Variants in AKAP10 observed in about 807,000 individuals in gnomAD.
AKAP10 encodes A-kinase anchoring protein 10.
A neutral mutation model predicts 80.8 loss-of-function variants in AKAP10; 24 were observed. That is an observed-to-expected ratio of 0.30 (90% confidence interval 0.22 to 0.42). The LOEUF (loss-of-function observed/expected upper bound fraction) is 0.42, where lower values mean the gene tolerates loss of function less well. AKAP10 is among the 10% of genes least tolerant of loss of function. The probability of loss-of-function intolerance (pLI) is 1.00; values close to 1 mark genes in which losing one functional copy is unlikely to be tolerated. For missense variants in AKAP10, 661 were observed against 794.9 expected, an observed-to-expected ratio of 0.83 and a Z score of 2.03; for synonymous variants, 291 against 277.7, an observed-to-expected ratio of 1.05 and a Z score of -0.48.
intron 9 of AKAP10, among the ~76,000 whole-genome samples, chr17:19,933,693 C>G (rs1287735077): frequency 2.0e-5 from 3 of 152,054 alleles, no homozygotes; most frequent in Non-Finnish European, 4.4e-5. Flanking sequence ...CTGTTTACTA[C>G]TAGCTATTTA....
chr17:19,908,909 C>T (rs1397780455), intron 14 of AKAP10, among the ~76,000 whole-genome samples: 1 of 152,242 alleles, frequency 6.6e-6, no homozygotes. Context: ...GCGTGAGCCA[C>T]TGCACCTGGC....
At chr17:19,918,801 A>G (rs1205037581) in intron 12 of AKAP10, among the ~76,000 whole-genome samples, 1 of 152,280 alleles carries the variant, frequency 6.6e-6, no homozygotes, top group Non-Finnish European at 1.5e-5. Flanking sequence ...AAATGAAATC[A>G]GTCACAAAGA....
At chr17:19,948,778 T>C (rs571949829) in intron 4 of AKAP10, among the ~76,000 whole-genome samples, 7 of 152,198 alleles carry the variant, frequency 4.6e-5, no homozygotes, top group South Asian at 4.2e-4. Context: ...TGGCCCTGCT[T>C]CTAAAAGTGT....
intron 1 of AKAP10, among the ~76,000 whole-genome samples, chr17:19,969,293 C>T (rs950062615): frequency 7.9e-5 from 12 of 151,994 alleles, no homozygotes; most frequent in Admixed American, 5.2e-4. Context: ...TGCAGTGAGC[C>T]GAGATCGCGA....
chr17:19,976,149 C>G (rs2043563049), intron 1 of AKAP10, among the ~76,000 whole-genome samples: 1 of 152,170 alleles, frequency 6.6e-6, no homozygotes, highest in East Asian at 1.9e-4. Context: ...AGCAGCAGAG[C>G]TGTCATATGA....
At chr17:19,951,503 T>C (rs2043213582) in intron 4 of AKAP10, among the ~76,000 whole-genome samples, 1 of 150,368 alleles carries the variant, frequency 6.7e-6, no homozygotes, top group Non-Finnish European at 1.5e-5. Flanking sequence ...TTACTGTGTC[T>C]GTGTAGAAAG....
chr17:19,959,919 A>G (rs2043328015), intron 3 of AKAP10, among the ~76,000 whole-genome samples: 1 of 152,210 alleles, frequency 6.6e-6, no homozygotes, highest in South Asian at 2.1e-4. Flanking sequence ...AAATTCTATG[A>G]GATAATGCTA....
At chr17:19,945,586 G>T (rs1481911639) in intron 5 of AKAP10, among the ~76,000 whole-genome samples, 2 of 152,152 alleles carry the variant, frequency 1.3e-5, no homozygotes, top group African/African-American at 4.8e-5. Context: ...CTATGTTATA[G>T]CCGTTATAGG....
chr17:19,946,206 TA>T (rs2043105971), intron 5 of AKAP10, among the ~76,000 whole-genome samples: 1 of 20,852 alleles, frequency 4.8e-5, no homozygotes, highest in East Asian at 2.1e-3. Context: ...ACATATATTT[TA>T]TATATATATA....
At chr17:19,976,739 A>C (rs2043572883) in intron 1 of AKAP10, among the ~76,000 whole-genome samples, 1 of 151,974 alleles carries the variant, frequency 6.6e-6, no homozygotes, top group Non-Finnish European at 1.5e-5. Context: ...GCTGGTCTTG[A>C]ACTCCCGATC....
chr17:19,923,090 T>A (rs575119018), intron 11 of AKAP10, among the ~76,000 whole-genome samples: 2 of 152,286 alleles, frequency 1.3e-5, no homozygotes, highest in South Asian at 4.1e-4. Context: ...TTTATTATTA[T>A]TTTTTGAGAC....
intron 4 of AKAP10, among the ~76,000 whole-genome samples, chr17:19,953,000 C>A (rs2043232278): frequency 6.6e-6 from 1 of 151,900 alleles, no homozygotes; most frequent in Non-Finnish European, 1.5e-5. Context: ...GGTATATTCA[C>A]ATTTTAAAAA....
At position 19,910,263 on chromosome 17, in the gene AKAP10, T is replaced by G. The variant is rs553693008; in HGVS notation, c.1835-285A>C. Among the ~76,000 whole-genome samples the G allele has an allele frequency of 2.7e-5, 4 of 145,770 alleles. No homozygotes were observed. In the South Asian group the frequency reaches 8.6e-4, roughly 31 times the overall value. On this transcript the variant is annotated intron_variant, in intron 12 of 14. Coordinates refer to ENST00000225737, the MANE Select transcript of AKAP10 (RefSeq NM_007202.4). ...AATTGCTTGAACCTGGGAGCAGAGG[T>G]TGAAGCGAGCTGAGATCGTGCCACT...
intron 4 of AKAP10, among the ~76,000 whole-genome samples, chr17:19,954,729 G>A (rs1167951908): frequency 1.3e-5 from 2 of 150,518 alleles, no homozygotes; most frequent in Non-Finnish European, 2.9e-5. Context: ...TCCTGACCTC[G>A]TAATCTGCCC....
intron 6 of AKAP10, among the ~76,000 whole-genome samples, 153 bp downstream of exon 6, chr17:19,941,673 T>C (rs1254170755): frequency 6.6e-6 from 1 of 152,226 alleles, no homozygotes; most frequent in Non-Finnish European, 1.5e-5. Context: ...AAAGAAACTG[T>C]TAACCAAGAT....
At chr17:19,910,036 G>C in intron 12 of AKAP10, 58 bp from the exon 13 acceptor site, 4 of 1,556,640 alleles carry the variant, frequency 2.6e-6, no homozygotes, top group Non-Finnish European at 8.8e-7. Flanking sequence ...CATTAAAAAT[G>C]CTCTTATTTG....
chr17:19,968,509 C>G (rs1381187702), intron 1 of AKAP10, 48 bp from the exon 2 acceptor site: 1 of 1,429,254 alleles, frequency 7.0e-7, no homozygotes, highest in Non-Finnish European at 9.9e-7. Context: ...GTCAGAGATC[C>G]ATTCTATAAC....
In AKAP10 at chr17:19,958,246, C is replaced by T. The variant is rs376257854; in HGVS notation, c.645G>A (p.Leu215=). 1.9e-6 allele frequency: 3 copies of T among 1,614,072 alleles called. No homozygotes were observed. The African/African-American group carries it at 4.0e-5, about 22-fold the overall frequency. Residue 215 remains leucine (L), a synonymous_variant, in exon 4 of 15, where the codon TTG becomes TTA. Transcript: ENST00000225737. ...KRLEDSGSAQ[L]FMTHSEGIDL... is the part of the protein sequence containing the mutation. ...CAATTCCTTCTGAATGAGTCATAAA[C>T]AACTGTGCTGAGCCAGAATCCTCCA...
intron 1 of AKAP10, among the ~76,000 whole-genome samples, chr17:19,976,693 T>A (rs1319008907): frequency 2.0e-5 from 3 of 152,036 alleles, no homozygotes; most frequent in Non-Finnish European, 4.4e-5. Context: ...TAATTTTGTA[T>A]TTTTAGTAGA....
Sources: allele counts gnomAD v4.1 joint callset (sites outside exome capture counted in the v4.1 genomes callset), GRCh38; gene constraint gnomAD v4.1.1; transcripts MANE v1.5; gene names NCBI Gene and HGNC (gene_info 2026-07-23, HGNC 2026-07-21).